The following HS6ST2 variants were observed in gnomAD, a reference collection of about 807,000 sequenced individuals.
The protein encoded by HS6ST2 is heparan sulfate 6-O-sulfotransferase 2.
A neutral mutation model predicts 33.0 loss-of-function variants in HS6ST2; 17 were observed. The ratio of observed to expected loss-of-function variants is 0.52; its 90% CI spans 0.35 to 0.77. HS6ST2 has a LOEUF of 0.77. Ranked by LOEUF, HS6ST2 falls within the 30% of genes least tolerant of loss-of-function variation. HS6ST2 has a pLI of 0.01. For synonymous variants in HS6ST2, 248 were observed against 237.1 expected, an observed-to-expected ratio of 1.05 and a Z score of -0.42; for missense variants, 519 against 551.7, an observed-to-expected ratio of 0.94 and a Z score of 0.59.
intron 2 of HS6ST2, among the ~76,000 whole-genome samples, chrX:132,871,783 A>T (rs1361825457): frequency 3.3e-4 from 33 of 100,444 alleles, no homozygotes; most frequent in South Asian, 1.1e-3. Flanking sequence ...CTGTTGGGGG[A>T]GTGAGGGGCT....
At chrX:132,928,117 C>T (rs2066728607) in intron 2 of HS6ST2, among the ~76,000 whole-genome samples, 1 of 105,626 alleles carries the variant, frequency 9.5e-6, no homozygotes. Context: ...AGTTGCCACA[C>T]ACTTTTTTTT....
intron 2 of HS6ST2, among the ~76,000 whole-genome samples, chrX:132,892,816 C>T (rs916049060): frequency 9.0e-6 from 1 of 111,574 alleles, no homozygotes; most frequent in African/African-American, 3.3e-5. Flanking sequence ...GAGACTCCAT[C>T]TTAAAAAGAA....
intron 2 of HS6ST2, among the ~76,000 whole-genome samples, chrX:132,795,835 C>T (rs943696294): frequency 5.4e-5 from 6 of 111,443 alleles, no homozygotes; most frequent in Non-Finnish European, 1.1e-4. Context: ...TCTCAAACTC[C>T]AGGGCTCAAG....
intron 2 of HS6ST2, among the ~76,000 whole-genome samples, chrX:132,740,178 AT>A (rs2064556580): frequency 8.9e-6 from 1 of 112,455 alleles, no homozygotes; most frequent in Admixed American, 9.4e-5. Context: ...TGATTTTAAC[AT>A]TTCTCAGCCA....
intron 2 of HS6ST2, among the ~76,000 whole-genome samples, chrX:132,755,709 C>A (rs2064751810): frequency 9.0e-6 from 1 of 111,370 alleles, no homozygotes; most frequent in Non-Finnish European, 1.9e-5. Flanking sequence ...TAAAACATAT[C>A]ATTACAGCTA....
chrX:132,882,889 G>T (rs1158571744), intron 2 of HS6ST2, among the ~76,000 whole-genome samples: 2 of 111,532 alleles, frequency 1.8e-5, no homozygotes, highest in African/African-American at 3.3e-5. Context: ...ATAATCATGT[G>T]GTTTTTGTCT....
chrX:132,942,194 T>C (rs1394499791), intron 2 of HS6ST2, among the ~76,000 whole-genome samples: 1 of 111,940 alleles, frequency 8.9e-6, no homozygotes, highest in East Asian at 2.8e-4. Context: ...CTAGAGTATC[T>C]GGCAATGAGC....
intron 4 of HS6ST2, among the ~76,000 whole-genome samples, chrX:132,641,662 T>C (rs1194701133): frequency 8.9e-6 from 1 of 112,727 alleles, no homozygotes; most frequent in Non-Finnish European, 1.9e-5. Flanking sequence ...ATAGAGTCTT[T>C]ATGAAGATAA....
chrX:132,794,622 G>T (rs2065157883), intron 2 of HS6ST2, among the ~76,000 whole-genome samples: 2 of 106,954 alleles, frequency 1.9e-5, no homozygotes, highest in African/African-American at 6.9e-5. Context: ...ACTGGGTTTT[G>T]CCATGTTGCC....
intron 2 of HS6ST2, among the ~76,000 whole-genome samples, chrX:132,720,663 G>A (rs1337170463): frequency 9.2e-6 from 1 of 108,999 alleles, no homozygotes; most frequent in Non-Finnish European, 1.9e-5. Context: ...CCAATGATTT[G>A]TTGCCTACAA....
intron 2 of HS6ST2, among the ~76,000 whole-genome samples, chrX:132,767,892 G>C (rs1387383198): frequency 9.0e-6 from 1 of 111,393 alleles, no homozygotes; most frequent in Non-Finnish European, 1.9e-5. Flanking sequence ...TAAGCAGGAG[G>C]GCTGAGATTC....
chrX:132,950,129 T>C (rs2066997082), intron 2 of HS6ST2, among the ~76,000 whole-genome samples: 1 of 111,776 alleles, frequency 8.9e-6, no homozygotes, highest in Non-Finnish European at 1.9e-5. Flanking sequence ...TAGCATCCTG[T>C]ACTTTTCCCC....
At chrX:132,881,942 T>C (rs1304923830) in intron 2 of HS6ST2, among the ~76,000 whole-genome samples, 1 of 111,070 alleles carries the variant, frequency 9.0e-6, no homozygotes, top group Non-Finnish European at 1.9e-5. Flanking sequence ...TGTAGATGTG[T>C]GGTATTATTT....
intron 2 of HS6ST2, among the ~76,000 whole-genome samples, chrX:132,839,948 C>A (rs1013697150): frequency 3.6e-5 from 4 of 110,365 alleles, no homozygotes; most frequent in Non-Finnish European, 7.6e-5. Flanking sequence ...GAAACCCCAT[C>A]TCTACTAAAA....
chrX:132,894,891 T>C (rs950194366), intron 2 of HS6ST2, among the ~76,000 whole-genome samples: 2 of 112,034 alleles, frequency 1.8e-5, no homozygotes, highest in African/African-American at 6.5e-5. Context: ...TTTTAAAAGA[T>C]GATACAGTTT....
At chrX:132,797,461 G>C (rs5933200) in intron 2 of HS6ST2, among the ~76,000 whole-genome samples, 32,813 of 111,351 alleles carry the variant, frequency 0.29, 3,789 homozygotes, top group Non-Finnish European at 0.33. Context: ...TCTGAAACTT[G>C]ACAGGGAGAA....
chrX:132,950,777 A>G lies in HS6ST2; in HGVS notation c.947+6031T>C, dbSNP rs905362815. ...TGTTGTAATTGTGCATATTATTACC[A>G]GTTTGAAACCTTTTCGTTTTGGCTT... On this transcript the variant is annotated intron_variant, in intron 2 of 4. Transcript: ENST00000370833. 3.6e-5 allele frequency among the ~76,000 whole-genome samples: 4 copies of G among 111,997 alleles called. No individual in the cohort carries two copies. The Admixed American group carries it at 3.8e-4, about 11-fold the overall frequency.
chrX:132,653,973 G>T (rs2063712352), intron 4 of HS6ST2, among the ~76,000 whole-genome samples: 1 of 111,413 alleles, frequency 9.0e-6, no homozygotes, highest in African/African-American at 3.3e-5. Context: ...GCTACCAGGG[G>T]CTGGGCAAGG....
At chrX:132,938,573 T>C (rs1008334010) in intron 2 of HS6ST2, among the ~76,000 whole-genome samples, 3 of 110,216 alleles carry the variant, frequency 2.7e-5, no homozygotes, top group African/African-American at 9.9e-5. Flanking sequence ...CCCCAGGAGG[T>C]TGAGGGTGCA....
Sources: gnomAD v4.1 joint callset for allele counts (sites outside exome capture counted in the v4.1 genomes callset) on GRCh38, gnomAD v4.1.1 for gene constraint, MANE v1.5 for transcripts, NCBI Gene and HGNC (gene_info 2026-07-23, HGNC 2026-07-21) for gene names.